GYG2: variants seen among roughly 807,000 people sequenced by gnomAD.
GYG2 encodes the protein glycogenin-2.
In GYG2, 29 loss-of-function variants were observed where a neutral mutation model predicts 29.4. That is an observed-to-expected ratio of 0.99 (90% CI 0.74 to 1.35). GYG2 has a LOEUF of 1.35. Ranked by LOEUF, GYG2 falls within the 40% of genes most tolerant of loss-of-function variation. The probability of loss-of-function intolerance (pLI) is 0.00; values close to 1 mark genes in which losing one functional copy is unlikely to be tolerated. For missense variants in GYG2, 370 were observed against 385.7 expected (o/e 0.96, Z 0.34); for synonymous variants, 167 against 172.3 (o/e 0.97, Z 0.24).
Position 2,881,269 on chromosome X carries a change from G to A in GYG2, c.*56G>A, listed in dbSNP as rs1030059369. ...AGACAATGTCCTGTTGGGTGGTCCT[G>A]TTGCGTGGAGATCTCCTCTGGTCCT... On this transcript the variant is annotated 3_prime_UTR_variant, in exon 11 of 11. Coordinates refer to ENST00000398806, the MANE Select transcript of GYG2 (RefSeq NM_001079855.2). 8.2e-6 allele frequency: 8 copies of A among 971,657 alleles called. No homozygotes were observed. The highest frequency in any genetic ancestry group is 3.9e-5 in the African/African-American group (2 of 51,788). The allele number at this position is 971,657 out of a possible 1,213,427, so 80.1% of individuals were successfully genotyped here. A position where few individuals can be genotyped will look rare whatever the true frequency, so the allele number is the denominator to read the frequency against.
chrX:2,838,775 AT>A (rs201203547), intron 2 of GYG2, among the ~76,000 whole-genome samples: 17,950 of 110,309 alleles, frequency 0.16, 1,119 homozygotes, highest in East Asian at 0.25. Context: ...AGCAAATCAT[AT>A]TTTTAACTTC....
Position 2,871,523 on chromosome X carries a change from C to A in GYG2, c.1039-4287C>A, listed in dbSNP as rs181171456. 5.5e-4 allele frequency among the ~76,000 whole-genome samples: 60 copies of A among 109,862 alleles called. 1 individual carries two copies. Among genetic ancestry groups the A allele is most frequent in the South Asian group, 3.9e-4 (1 of 2,552 alleles). ...GGCCAACATGGTGAGACCCCCATCT[C>A]TACTAAAAATACAAAAACTAGCTAG... On this transcript the variant is annotated intron_variant, in intron 8 of 10. Coordinates refer to ENST00000398806, the MANE Select transcript of GYG2 (RefSeq NM_001079855.2).
intron 2 of GYG2, among the ~76,000 whole-genome samples, chrX:2,838,314 A>T (rs1418576764): frequency 9.1e-6 from 1 of 109,921 alleles, no homozygotes; most frequent in Non-Finnish European, 1.9e-5. Flanking sequence ...TTTTACTTTC[A>T]TTTTCTTGGC....
intron 8 of GYG2, among the ~76,000 whole-genome samples, chrX:2,868,906 C>T (rs2088377672): frequency 9.0e-6 from 1 of 110,766 alleles, no homozygotes. Context: ...ATTACGGTCA[C>T]ATTTTCCAAG....
Position 2,845,071 on chromosome X carries a change from ATT to A in GYG2, c.149+1719_149+1720del, listed in dbSNP as rs770883800. Among the ~76,000 whole-genome samples, 37 of 85,564 alleles carry A rather than the reference ATT, an allele frequency of 4.3e-4. 1 individual carries two copies. Among genetic ancestry groups the A allele is most frequent in the African/African-American group, 1.8e-3 (33 of 18,172 alleles). The allele number at this position is 85,564 out of a possible 115,157, so 74.3% of individuals were successfully genotyped here. A position where few individuals can be genotyped will look rare whatever the true frequency, so the allele number is the denominator to read the frequency against. On this transcript the variant is annotated intron_variant, in intron 3 of 10. Coordinates refer to ENST00000398806, the MANE Select transcript of GYG2 (RefSeq NM_001079855.2). ...TGTATATATACACGTGTGTATGTAT[ATT>A]TATATACACGTGTGTATGTATATTT...
At chrX:2,850,644 C>T (rs1307196204) in intron 3 of GYG2, among the ~76,000 whole-genome samples, 1 of 111,244 alleles carries the variant, frequency 9.0e-6, no homozygotes, top group African/African-American at 3.3e-5. Context: ...GTGAAAATGG[C>T]CTGTTCCTGC....
At chrX:2,829,788 G>A (rs1330794582) in intron 1 of GYG2, among the ~76,000 whole-genome samples, 1 of 110,369 alleles carries the variant, frequency 9.1e-6, no homozygotes, top group East Asian at 2.9e-4. Context: ...TGGTGTCCCG[G>A]GGGCGTTGTC....
intron 10 of GYG2, among the ~76,000 whole-genome samples, chrX:2,878,512 C>T (rs1238929779): frequency 9.0e-6 from 1 of 111,389 alleles, no homozygotes; most frequent in African/African-American, 3.3e-5. Context: ...TCAAGTGATC[C>T]TCCTTTTTTG....
intron 2 of GYG2, among the ~76,000 whole-genome samples, chrX:2,833,486 C>T (rs1178268913): frequency 9.0e-6 from 1 of 111,419 alleles, no homozygotes; most frequent in Non-Finnish European, 1.9e-5. Context: ...ATAAAGCCAG[C>T]GCATGTGGTT....
intron 1 of GYG2, among the ~76,000 whole-genome samples, 193 bp from the exon 2 acceptor site, chrX:2,829,868 G>A (rs764402868): frequency 9.1e-6 from 1 of 109,963 alleles, no homozygotes; most frequent in African/African-American, 3.3e-5. Flanking sequence ...GGGGGTCAAG[G>A]GGCCCCTGGC....
In GYG2 at chrX:2,877,199, G is replaced by C; in HGVS notation, c.1144-1G>C. The C allele has an allele frequency of 8.3e-7, 1 of 1,207,472 alleles. No homozygotes were observed. Among genetic ancestry groups the C allele is most frequent in the Non-Finnish European group, 1.1e-6 (1 of 891,934 alleles). ...CTAATGATGGAATGGTTATGTTTTA[G>C]CAGCCAGCAAATAAAGTCGAAAGTG... On this transcript the variant is annotated splice_acceptor_variant, in intron 9 of 10. Transcript: ENST00000398806. LOFTEE classifies it high-confidence loss of function.
intron 10 of GYG2, among the ~76,000 whole-genome samples, chrX:2,880,811 G>C (rs1223018311): frequency 9.0e-6 from 1 of 111,666 alleles, no homozygotes; most frequent in Non-Finnish European, 1.9e-5. Flanking sequence ...GGAGGCAGAT[G>C]TGGGAGGATC....
At chrX:2,856,022 G>T (rs554225076) in intron 5 of GYG2, among the ~76,000 whole-genome samples, 12 of 112,333 alleles carry the variant, frequency 1.1e-4, no homozygotes, top group Non-Finnish European at 2.3e-4. Context: ...AATATAGGGA[G>T]AATTAAAAGG....
intron 8 of GYG2, among the ~76,000 whole-genome samples, chrX:2,869,153 C>T (rs1280292242): frequency 8.9e-6 from 1 of 112,244 alleles, no homozygotes; most frequent in Non-Finnish European, 1.9e-5. Flanking sequence ...CATCTGCACT[C>T]AACATGCACA....
Position 2,863,143 on chromosome X carries a change from T to C in GYG2, c.1038+1421T>C, listed in dbSNP as rs777887465. Among the ~76,000 whole-genome samples the C allele has an allele frequency of 2.0e-3, 217 of 108,541 alleles. 1 individual carries two copies. The highest frequency in any genetic ancestry group is 3.4e-3 in the Non-Finnish European group (179 of 52,106). 94.3% of individuals were successfully genotyped at this position (108,541 alleles called of 115,157 possible). On this transcript the variant is annotated intron_variant, in intron 8 of 10. Coordinates refer to ENST00000398806, the MANE Select transcript of GYG2 (RefSeq NM_001079855.2). ...AGGCTGGAATGCAGTAGCCCAATCTTGGCTCACTGCAAGCTCTGCCTCCCG... is the reference window on the plus strand; with the variant it reads ...AGGCTGGAATGCAGTAGCCCAATCTCGGCTCACTGCAAGCTCTGCCTCCCG...
chrX:2,875,257 G>A (rs1011625950), intron 8 of GYG2, among the ~76,000 whole-genome samples: 5 of 111,347 alleles, frequency 4.5e-5, no homozygotes, highest in African/African-American at 6.5e-5. Context: ...AGGATTAGGC[G>A]CTGTTGCTGA....
chrX:2,842,875 T>G (rs2071528753), intron 2 of GYG2: 1 of 279,089 alleles, frequency 3.6e-6, no homozygotes, highest in Non-Finnish European at 6.5e-6. Context: ...AGTACAGTGG[T>G]GCAATCACGG....
chrX:2,876,650 A>T (rs1241102135), intron 9 of GYG2, among the ~76,000 whole-genome samples: 1 of 111,168 alleles, frequency 9.0e-6, no homozygotes, highest in Admixed American at 9.6e-5. Flanking sequence ...CAGTTTTTTT[A>T]AAAAAGTTAA....
chrX:2,845,737 ATATT>A (rs1176442556), intron 3 of GYG2, among the ~76,000 whole-genome samples: 27 of 105,063 alleles, frequency 2.6e-4, no homozygotes, highest in South Asian at 1.6e-3. Context: ...ATGTGTACGT[ATATT>A]TATTTATGCA....
Sources: gnomAD v4.1 joint callset for allele counts (sites outside exome capture counted in the v4.1 genomes callset) on GRCh38, gnomAD v4.1.1 for gene constraint, MANE v1.5 for transcripts, NCBI Gene and HGNC (gene_info 2026-07-23, HGNC 2026-07-21) for gene names.